FRMD1: variants seen among roughly 807,000 people sequenced by gnomAD.
The protein encoded by FRMD1 is FERM domain containing 1.
Under a neutral mutation model 54.9 loss-of-function variants are expected in FRMD1, and 51 were observed. The ratio of observed to expected loss-of-function variants is 0.93; its 90% CI spans 0.74 to 1.17. The LOEUF is 1.17. Among genes scored for constraint, FRMD1 ranks in the 50% most tolerant of loss-of-function variants. FRMD1 has a pLI of 0.00. For missense variants in FRMD1, 729 were observed against 743.0 expected, an observed-to-expected ratio of 0.98 and a Z score of 0.22; for synonymous variants, 324 against 306.4, an observed-to-expected ratio of 1.06 and a Z score of -0.60.
intron 2 of FRMD1, among the ~76,000 whole-genome samples, chr6:168,069,464 C>G (rs897342336): frequency 5.9e-5 from 9 of 152,160 alleles, no homozygotes; most frequent in Non-Finnish European, 1.0e-4. Flanking sequence ...GTCCTGACTC[C>G]CCCGAATTCA....
chr6:168,066,867 G>T (rs753494961), intron 3 of FRMD1, 36 bp from the exon 4 acceptor site: 4 of 1,605,724 alleles, frequency 2.5e-6, no homozygotes, highest in Non-Finnish European at 3.4e-6. Context: ...CAAGTGAGCC[G>T]CAGGGAGGTG....
In FRMD1 at chr6:168,057,276, G is replaced by A. The variant is rs777494064; in HGVS notation, c.1471C>T (p.Leu491=). 3.7e-6 allele frequency: 6 copies of A among 1,612,262 alleles called. 1 individual carries two copies. The highest frequency in any genetic ancestry group is 5.1e-6 in the Non-Finnish European group (6 of 1,179,648). ...GCTGGGTGCAGGGCCAGCTGGTGCAGCTGCATGTCGTCCAGGCCATGGCTG... is the reference window on the plus strand; with the variant it reads ...GCTGGGTGCAGGGCCAGCTGGTGCAACTGCATGTCGTCCAGGCCATGGCTG... ...QHSHGLDDMQ[L]HQLALHPAPT... Residue 491 remains leucine (L), a synonymous_variant, in exon 11 of 11, where the codon CTG becomes TTG. Transcript: ENST00000283309.
chr6:168,073,182 C>T (rs1583196578), intron 2 of FRMD1, among the ~76,000 whole-genome samples: 1 of 151,786 alleles, frequency 6.6e-6, no homozygotes, highest in Admixed American at 6.6e-5. Context: ...TAGTTTCCCA[C>T]CTCCCCACCC....
At chr6:168,083,791 C>G (rs6455478), upstream of FRMD1, among the ~76,000 whole-genome samples, 135,606 of 152,330 alleles carry the variant, frequency 0.89, 60,374 homozygotes, top group South Asian at 0.91. Flanking sequence ...TGTCCCTGGC[C>G]GGGGAAGACA....
intron 1 of FRMD1, among the ~76,000 whole-genome samples, chr6:168,078,432 G>A (rs1465874546): frequency 6.6e-6 from 1 of 152,082 alleles, no homozygotes; most frequent in Admixed American, 6.5e-5. Context: ...GCTGGCCCTT[G>A]ACACCTCACA....
intron 1 of FRMD1, among the ~76,000 whole-genome samples, chr6:168,076,386 G>T (rs934815348): frequency 6.6e-5 from 10 of 152,192 alleles, no homozygotes; most frequent in African/African-American, 2.2e-4. Flanking sequence ...GATATGGTTT[G>T]GCTGTGTCCC....
intron 1 of FRMD1, 26 bp downstream of exon 1, chr6:168,078,856 C>G: frequency 6.5e-7 from 1 of 1,538,062 alleles, no homozygotes; most frequent in Non-Finnish European, 8.8e-7. Context: ...CTGTTTACCC[C>G]CACGGCCACC....
chr6:168,060,962 A>G lies in FRMD1; in HGVS notation c.1141T>C (p.Cys381Arg), dbSNP rs1426576448. The G allele has an allele frequency of 1.2e-6, 2 of 1,613,204 alleles. No individual in the cohort carries two copies. The highest frequency in any genetic ancestry group is 1.7e-6 in the Non-Finnish European group (2 of 1,179,994). The stretch of plus-strand genomic sequence containing the variant: ...GAGTGGCGTGAGAGGCAGTGGGGGC[A>G]GTGCTGGCTGCTGACCCCACTGCCC... Reference protein sequence around the residue: ...FPGSGVSSQHCPHCLSRHSAD... With the variant: ...FPGSGVSSQHRPHCLSRHSAD... The change falls in exon 9 of 11, where the codon TGC becomes CGC. Residue 381 changes from cysteine (C) to arginine (R), a missense_variant. Transcript: ENST00000283309.
chr6:168,059,106 C>A lies in FRMD1; in HGVS notation c.1407+18G>T, dbSNP rs375451629. ...GAGGAGCAGGGCCAGGGCTTCTGGCCCGTGGGGGGGACTCTACCTGGTGCA... is the reference window on the plus strand; with the variant it reads ...GAGGAGCAGGGCCAGGGCTTCTGGCACGTGGGGGGGACTCTACCTGGTGCA... On this transcript the variant is annotated intron_variant, in intron 10 of 10. Coordinates refer to ENST00000283309, the MANE Select transcript of FRMD1 (RefSeq NM_024919.6). The surrounding 1 kb of genome is among the most constrained non-coding windows in gnomAD (Gnocchi z 4.4). 3 of 1,554,156 alleles carry A rather than the reference C, an allele frequency of 1.9e-6. No individual in the cohort carries two copies. Among genetic ancestry groups the A allele is most frequent in the Non-Finnish European group, 2.6e-6 (3 of 1,152,570 alleles).
chr6:168,075,049 C>A (rs1800517345), intron 2 of FRMD1, among the ~76,000 whole-genome samples, 196 bp downstream of exon 2: 6 of 139,684 alleles, frequency 4.3e-5, no homozygotes. Flanking sequence ...TGGTGTGTAC[C>A]TGCATGTGTG....
rs773301059 is a variant in FRMD1, at chr6:168,067,442, A to G, written c.309T>C (p.Asn103=). The part of the protein sequence containing the change: ...QFFGLCVVRN[N]EYIFMDLEQK... ...GCTCCAAATCCATAAATATATACTC[A>G]TTGTCTGAAAGCAAAACAAAAGGCT... is the stretch of plus-strand genomic sequence containing the variant. Residue 103 remains asparagine (N), a synonymous_variant, in exon 3 of 11, where the codon AAT becomes AAC. Coordinates refer to ENST00000283309, the MANE Select transcript of FRMD1 (RefSeq NM_024919.6). 7 of 1,597,284 alleles carry G rather than the reference A, an allele frequency of 4.4e-6. No homozygotes were observed. In the Admixed American group the frequency reaches 8.6e-5, roughly 20 times the overall value.
rs543563401 is a variant in FRMD1, at chr6:168,054,330, C to T, written c.*2767G>A. The T allele has an allele frequency of 6.6e-6, 1 of 152,334 alleles. No homozygotes were observed. Among genetic ancestry groups the T allele is most frequent in the Non-Finnish European group, 1.5e-5 (1 of 68,124 alleles). 9.4% of individuals were successfully genotyped at this position (152,334 alleles called of 1,614,324 possible). A position where few individuals can be genotyped will look rare whatever the true frequency, so the allele number is the denominator to read the frequency against. ...TTGACCGCTGACCTGGCCCGGGCCA[C>T]AGGACTGACCACCCCAGCCGGGCTC... On this transcript the variant is annotated 3_prime_UTR_variant, in exon 11 of 11. Coordinates refer to ENST00000283309, the MANE Select transcript of FRMD1 (RefSeq NM_024919.6).
chr6:168,086,249 C>A (rs958565937), upstream of FRMD1, among the ~76,000 whole-genome samples: 2 of 147,108 alleles, frequency 1.4e-5, no homozygotes, highest in Admixed American at 6.6e-5. Context: ...GTGTGGACAC[C>A]CGCGTCCCCA....
At chr6:168,086,240 T>C (rs527704911), upstream of FRMD1, among the ~76,000 whole-genome samples, 14 of 150,378 alleles carry the variant, frequency 9.3e-5, no homozygotes, top group East Asian at 2.5e-3. Flanking sequence ...ACATCTTCAG[T>C]GTGGACACCC....
At chr6:168,066,919 G>T in intron 3 of FRMD1, 88 bp from the exon 4 acceptor site, 2 of 1,520,280 alleles carry the variant, frequency 1.3e-6, no homozygotes, top group Non-Finnish European at 1.8e-6. Flanking sequence ...GGCCTGGATT[G>T]CTTCACACTC....
chr6:168,067,276 G>T, intron 3 of FRMD1, 91 bp downstream of exon 3: 1 of 808,936 alleles, frequency 1.2e-6, no homozygotes, highest in South Asian at 1.6e-5. Flanking sequence ...AGCCCACCGC[G>T]GTGCCTGCTC....
chr6:168,053,159 C>G lies in FRMD1; in HGVS notation c.*3938G>C, dbSNP rs1331957549. Reference sequence around the variant, plus strand: ...AAACAATTAACCCGCGCCATTTTCCCCACTGCGTGTTCACCTCTTCACGCG... The same window carrying G: ...AAACAATTAACCCGCGCCATTTTCCGCACTGCGTGTTCACCTCTTCACGCG... On this transcript the variant is annotated 3_prime_UTR_variant, in exon 11 of 11. Transcript: ENST00000283309. 1 of 49,116 alleles carries G rather than the reference C, an allele frequency of 2.0e-5. No homozygotes were observed. Among genetic ancestry groups the G allele is most frequent in the Non-Finnish European group, 4.5e-5 (1 of 22,064 alleles). The allele number at this position is 49,116 out of a possible 1,614,324, so 3.0% of individuals were successfully genotyped here.
chr6:168,087,829 C>T (rs1800947039), intron 1 of FRMD1, among the ~76,000 whole-genome samples: 1 of 152,206 alleles, frequency 6.6e-6, no homozygotes, highest in South Asian at 2.1e-4. Flanking sequence ...AGGACGCTGA[C>T]CTCACCACCC....
Position 168,056,937 on chromosome 6 carries a change from A to T in FRMD1, c.*160T>A. 1.2e-6 allele frequency: 1 copy of T among 843,168 alleles called. No individual in the cohort carries two copies. The highest frequency in any genetic ancestry group is 1.7e-6 in the Non-Finnish European group (1 of 598,512). The allele number at this position is 843,168 out of a possible 1,614,324, so 52.2% of individuals were successfully genotyped here. ...GTTTGTTACCTCCCAGGTTGATGTC[A>T]GAGCCAGCTCCACACCTCTTACAGG... On this transcript the variant is annotated 3_prime_UTR_variant, in exon 11 of 11. Transcript: ENST00000283309.
Sources: gnomAD v4.1 joint callset for allele counts (sites outside exome capture counted in the v4.1 genomes callset) on GRCh38, gnomAD v4.1.1 for gene constraint, Gnocchi (gnomAD v3.1) non-coding constraint, MANE v1.5 for transcripts, NCBI Gene and HGNC (gene_info 2026-07-23, HGNC 2026-07-21) for gene names.